Variants in PCDH11X observed in about 807,000 individuals in gnomAD.
The protein encoded by PCDH11X is protocadherin 11 X-linked, also known as protocadherin-11 X-linked.
PCDH11X carries 18 observed loss-of-function variants against 53.3 expected under a neutral mutation model. That is an observed-to-expected ratio of 0.34 (90% CI 0.23 to 0.50). The LOEUF is 0.50. PCDH11X is among the 20% of genes least tolerant of loss of function. The pLI is 0.98. For missense variants in PCDH11X, 570 were observed against 1,032.4 expected, an observed-to-expected ratio of 0.55 and a Z score of 6.14; for synonymous variants, 279 against 393.3, an observed-to-expected ratio of 0.71 and a Z score of 3.44.
chrX:91,988,506 A>T (rs2062262633), intron 6 of PCDH11X, among the ~76,000 whole-genome samples: 2 of 112,346 alleles, frequency 1.8e-5, no homozygotes, highest in South Asian at 7.3e-4. Flanking sequence ...TAATTATAGC[A>T]ATCAATTCGC....
chrX:91,930,446 AG>A (rs1187375460), intron 6 of PCDH11X, among the ~76,000 whole-genome samples: 3 of 105,819 alleles, frequency 2.8e-5, no homozygotes, highest in Non-Finnish European at 5.8e-5. Flanking sequence ...CAGGAAGGGA[AG>A]ATTTTTGGCA....
chrX:92,578,265 T>G (rs977485523), intron 10 of PCDH11X, among the ~76,000 whole-genome samples: 2 of 103,401 alleles, frequency 1.9e-5, no homozygotes, highest in African/African-American at 7.2e-5. Flanking sequence ...ATGGAGATGA[T>G]GAGTTGATGG....
chrX:91,884,758 G>A (rs1172628887), intron 6 of PCDH11X, among the ~76,000 whole-genome samples: 1 of 110,700 alleles, frequency 9.0e-6, no homozygotes, highest in Non-Finnish European at 1.9e-5. Flanking sequence ...GGATAAAAAG[G>A]GAGTACAAAG....
chrX:92,100,143 T>C lies in PCDH11X; in HGVS notation c.3034-101232T>C, dbSNP rs745793853. ...TTTTGGGGATTTTTAATAGATGATG[T>C]ATTCAAATGATTTAAAAATTAAAAC... is the stretch of plus-strand genomic sequence containing the variant. On this transcript the variant is annotated intron_variant, in intron 6 of 10. Coordinates refer to ENST00000682573, the MANE Select transcript of PCDH11X (RefSeq NM_032968.5). Among the ~76,000 whole-genome samples the C allele has an allele frequency of 5.4e-5, 6 of 111,646 alleles. No individual in the cohort carries two copies. In the East Asian group the frequency reaches 1.7e-3, roughly 32 times the overall value.
At chrX:92,524,490 A>G (rs1603356274) in intron 10 of PCDH11X, among the ~76,000 whole-genome samples, 1 of 101,420 alleles carries the variant, frequency 9.9e-6, no homozygotes, top group Admixed American at 1.1e-4. Flanking sequence ...GTTATCTTCC[A>G]ATATGGGTAT....
intron 8 of PCDH11X, among the ~76,000 whole-genome samples, chrX:92,330,366 T>C (rs2069436102): frequency 9.0e-6 from 1 of 110,977 alleles, no homozygotes. Flanking sequence ...TTACTAATCA[T>C]CAGGGAAATG....
intron 10 of PCDH11X, among the ~76,000 whole-genome samples, chrX:92,505,145 C>CT (rs2074028333): frequency 2.4e-5 from 1 of 41,180 alleles, no homozygotes; most frequent in African/African-American, 8.9e-5. Flanking sequence ...TTTCTTTTTT[C>CT]TTTTTTCTTT....
intron 10 of PCDH11X, among the ~76,000 whole-genome samples, chrX:92,591,365 CTG>C (rs1925018895): frequency 9.0e-6 from 1 of 110,957 alleles, no homozygotes; most frequent in Non-Finnish European, 1.9e-5. Flanking sequence ...GTAAAAATCA[CTG>C]TTTATTAATG....
At chrX:91,907,397 A>ACACACACACC (rs1941203471) in intron 6 of PCDH11X, among the ~76,000 whole-genome samples, 1 of 61,584 alleles carries the variant, frequency 1.6e-5, no homozygotes, top group Non-Finnish European at 2.9e-5. Flanking sequence ...ACACACACAC[A>ACACACACACC]CACACACACA....
intron 10 of PCDH11X, among the ~76,000 whole-genome samples, chrX:92,522,345 A>G (rs182497924): frequency 2.7e-5 from 3 of 112,150 alleles, no homozygotes; most frequent in East Asian, 5.6e-4. Context: ...ATGGCTGGTC[A>G]GTGGAGTAAT....
chrX:91,814,440 T>C (rs1936392619), intron 4 of PCDH11X, among the ~76,000 whole-genome samples: 1 of 109,384 alleles, frequency 9.1e-6, no homozygotes, highest in Admixed American at 9.9e-5. Context: ...TAAAATAAGC[T>C]TTTTAATCTA....
At chrX:91,825,552 C>T in intron 4 of PCDH11X, among the ~76,000 whole-genome samples, 1 of 111,605 alleles carries the variant, frequency 9.0e-6, no homozygotes, top group Middle Eastern at 4.6e-3. Context: ...GGTGCGCGCA[C>T]CCACTGACCT....
intron 8 of PCDH11X, among the ~76,000 whole-genome samples, chrX:92,386,711 C>T (rs950447572): frequency 4.8e-5 from 5 of 104,899 alleles, no homozygotes; most frequent in Admixed American, 2.1e-4. Flanking sequence ...GGGCCTCTCT[C>T]GGCATTGTAG....
At chrX:92,527,360 A>G (rs2074473560) in intron 10 of PCDH11X, among the ~76,000 whole-genome samples, 2 of 111,188 alleles carry the variant, frequency 1.8e-5, no homozygotes, top group African/African-American at 6.5e-5. Context: ...GCATGCCTGT[A>G]TCAAAACATC....
chrX:91,785,339 C>G lies in PCDH11X; in HGVS notation c.-379+5655C>G, dbSNP rs1369429732. Among the ~76,000 whole-genome samples the G allele has an allele frequency of 2.8e-5, 3 of 107,747 alleles. No homozygotes were observed. The East Asian group carries it at 8.9e-4, about 32-fold the overall frequency. The allele number at this position is 107,747 out of a possible 115,157, so 93.6% of individuals were successfully genotyped here. ...ACACACAGGATTTTAAAGCCTGTGTCAACGTGTGTTCATGTCAACATACAG... is the reference window on the plus strand; with the variant it reads ...ACACACAGGATTTTAAAGCCTGTGTGAACGTGTGTTCATGTCAACATACAG... On this transcript the variant is annotated intron_variant, in intron 1 of 10. Coordinates refer to ENST00000682573, the MANE Select transcript of PCDH11X (RefSeq NM_032968.5).
chrX:92,400,302 G>A (rs2071361664), intron 9 of PCDH11X, among the ~76,000 whole-genome samples: 1 of 111,387 alleles, frequency 9.0e-6, no homozygotes, highest in Non-Finnish European at 1.9e-5. Flanking sequence ...ATTAACTCAA[G>A]CAGATTAAGA....
chrX:92,255,336 ATTC>A (rs1435519813), intron 7 of PCDH11X, among the ~76,000 whole-genome samples: 90 of 94,855 alleles, frequency 9.5e-4, no homozygotes, highest in African/African-American at 3.3e-3. Context: ...CTAGTTATAC[ATTC>A]TTCTAAATTT....
intron 6 of PCDH11X, among the ~76,000 whole-genome samples, chrX:91,901,550 T>C (rs1323899059): frequency 1.7e-4 from 19 of 111,104 alleles, no homozygotes; most frequent in African/African-American, 5.9e-4. Flanking sequence ...TATTACTCTC[T>C]TTTCTGAATT....
At chrX:91,832,618 A>C (rs1330336225) in intron 4 of PCDH11X, among the ~76,000 whole-genome samples, 2 of 107,397 alleles carry the variant, frequency 1.9e-5, no homozygotes, top group Non-Finnish European at 3.9e-5. Context: ...TGTTGTGCAC[A>C]TGTACCCTAG....
Sources: allele counts gnomAD v4.1 joint callset (sites outside exome capture counted in the v4.1 genomes callset), GRCh38; gene constraint gnomAD v4.1.1; transcripts MANE v1.5; gene names NCBI Gene and HGNC (gene_info 2026-07-23, HGNC 2026-07-21).